Variants in ART1 observed in about 807,000 individuals in gnomAD.
ART1 encodes the protein ADP-ribosyltransferase 1, also known as GPI-linked NAD(P)(+)--arginine ADP-ribosyltransferase 1.
In ART1, 29 loss-of-function variants were observed where a neutral mutation model predicts 27.0. The ratio of observed to expected loss-of-function variants is 1.08; its 90% CI spans 0.80 to 1.47. The LOEUF (loss-of-function observed/expected upper bound fraction) is 1.47. ART1 is among the 40% of genes most tolerant of loss of function. ART1 has a pLI of 0.00. For missense variants in ART1, 480 were observed against 423.0 expected, an observed-to-expected ratio of 1.13 and a Z score of -1.18; for synonymous variants, 201 against 172.2, an observed-to-expected ratio of 1.17 and a Z score of -1.31.
chr11:3,654,768 GA>G (rs2077556082), intron 1 of ART1, among the ~76,000 whole-genome samples: 1 of 146,598 alleles, frequency 6.8e-6, no homozygotes, highest in Non-Finnish European at 1.5e-5. Context: ...TCTCCCATCA[GA>G]CATCAAGTCT....
intron 1 of ART1, among the ~76,000 whole-genome samples, chr11:3,652,637 C>A (rs1200423310): frequency 6.6e-6 from 1 of 152,058 alleles, no homozygotes; most frequent in Admixed American, 6.6e-5. Context: ...AGACACCAGA[C>A]CAACTTAGAC....
chr11:3,661,167 C>A (rs991191195), intron 3 of ART1, among the ~76,000 whole-genome samples: 5 of 152,224 alleles, frequency 3.3e-5, no homozygotes, highest in Admixed American at 6.5e-5. Context: ...GACCCTGGCT[C>A]TGATGGCCCA....
chr11:3,651,088 C>G (rs2077518377), intron 1 of ART1, among the ~76,000 whole-genome samples: 1 of 152,008 alleles, frequency 6.6e-6, no homozygotes, highest in South Asian at 2.1e-4. Context: ...CGCGCCTTAT[C>G]AACCAAATTG....
intron 3 of ART1, among the ~76,000 whole-genome samples, chr11:3,660,618 G>A (rs1031308350): frequency 1.3e-5 from 2 of 152,226 alleles, no homozygotes; most frequent in Non-Finnish European, 1.5e-5. Context: ...CCTGGCCAAC[G>A]CAGCGGTCTC....
At position 3,656,508 on chromosome 11, in the gene ART1, G is replaced by A. The variant is rs569706590; in HGVS notation, c.-52-2654G>A. Among the ~76,000 whole-genome samples, 10 of 151,972 alleles carry A rather than the reference G, an allele frequency of 6.6e-5. No individual in the cohort carries two copies. In the South Asian group the frequency reaches 1.9e-3, roughly 28 times the overall value. ...AGCTATTCTCCTGCCTCAGCCTCCC[G>A]AGTAGCTGGGATTATAGGCACCTGC... is the stretch of plus-strand genomic sequence containing the variant. On this transcript the variant is annotated intron_variant, in intron 1 of 4. Coordinates refer to ENST00000250693, the MANE Select transcript of ART1 (RefSeq NM_004314.3).
At chr11:3,663,809 A>C (rs1262859445) in intron 4 of ART1, 2 of 324,752 alleles carry the variant, frequency 6.2e-6, no homozygotes, top group African/African-American at 4.3e-5. Flanking sequence ...AGGTTGCCTA[A>C]AATTTTTTAA....
intron 1 of ART1, among the ~76,000 whole-genome samples, 181 bp from the exon 2 acceptor site, chr11:3,658,981 A>T (rs957477663): frequency 5.5e-5 from 5 of 91,492 alleles, no homozygotes; most frequent in Admixed American, 1.8e-4. Context: ...TTCATCCTAC[A>T]AGACCTGTTC....
chr11:3,656,102 T>C (rs1036641249), intron 1 of ART1, among the ~76,000 whole-genome samples: 3 of 152,042 alleles, frequency 2.0e-5, no homozygotes, highest in East Asian at 1.9e-4. Flanking sequence ...CCAGCTAATT[T>C]TTTGTAATTT....
rs1374803877 is a variant in ART1 at position 3,658,732 on chromosome 11, G to A, written c.-52-430G>A. 2.6e-5 allele frequency among the ~76,000 whole-genome samples: 4 copies of A among 152,128 alleles called. No individual in the cohort carries two copies. The South Asian group carries it at 6.2e-4, about 24-fold the overall frequency. Reference sequence around the variant, plus strand: ...CTGTCCCAAAACCCACAACCCCTGCGAGGTGAAGCCCAGGTCTCTCACTGT... The same window carrying A: ...CTGTCCCAAAACCCACAACCCCTGCAAGGTGAAGCCCAGGTCTCTCACTGT... On this transcript the variant is annotated intron_variant, in intron 1 of 4. Transcript: ENST00000250693.
intron 4 of ART1, among the ~76,000 whole-genome samples, 175 bp downstream of exon 4, chr11:3,661,588 G>A (rs1049620978): frequency 3.4e-5 from 5 of 146,082 alleles, no homozygotes; most frequent in Middle Eastern, 4.1e-3. Context: ...TCCACTTCCC[G>A]GGTTCAAGCC....
At chr11:3,649,428 C>T (rs2077498902) in intron 1 of ART1, among the ~76,000 whole-genome samples, 1 of 152,202 alleles carries the variant, frequency 6.6e-6, no homozygotes, top group East Asian at 1.9e-4. Context: ...TTTTACACAT[C>T]AGTCCCTCCC....
intron 1 of ART1, among the ~76,000 whole-genome samples, chr11:3,648,733 C>T (rs951632667): frequency 1.6e-4 from 25 of 152,174 alleles, no homozygotes; most frequent in African/African-American, 2.7e-4. Flanking sequence ...CATGCAGGGA[C>T]GCCTGCCTTG....
At position 3,647,342 on chromosome 11, in the gene ART1, A is replaced by C. The variant is rs573325091; in HGVS notation, c.-53+2163A>C. On this transcript the variant is annotated intron_variant, in intron 1 of 4. Coordinates refer to ENST00000250693, the MANE Select transcript of ART1 (RefSeq NM_004314.3). ...TCTCAAAAAAAACAAAACAAAACAA[A>C]AAAAAAAACGAGGCTGGGTGCGGTG... Among the ~76,000 whole-genome samples, 3 of 151,010 alleles carry C rather than the reference A, an allele frequency of 2.0e-5. No homozygotes were observed. In the East Asian group the frequency reaches 5.8e-4, roughly 29 times the overall value.
Position 3,659,978 on chromosome 11 carries a change from A to C in ART1, c.459A>C (p.Thr153=). The change falls in exon 3 of 5, where the codon ACA becomes ACC. Residue 153 remains threonine (T), a synonymous_variant. Transcript: ENST00000250693. ...AHYLHHFSFK[T]LHFLLTEALQ... ...ACCTCCACCACTTCTCCTTCAAGAC[A>C]CTCCATTTCCTGCTGACTGAGGCCC... 6.2e-7 allele frequency: 1 copy of C among 1,613,580 alleles called. No individual in the cohort carries two copies.
intron 4 of ART1, among the ~76,000 whole-genome samples, chr11:3,662,934 C>G (rs2077630316): frequency 6.6e-6 from 1 of 152,188 alleles, no homozygotes; most frequent in Admixed American, 6.5e-5. Flanking sequence ...AAGTGGAGTC[C>G]AGAGAGCCTG....
rs193231611 is a variant in ART1, at chr11:3,650,453, G to A, written c.-53+5274G>A. Among the ~76,000 whole-genome samples the A allele has an allele frequency of 2.6e-5, 4 of 152,270 alleles. No individual in the cohort carries two copies. The East Asian group carries it at 5.8e-4, about 22-fold the overall frequency. ...CTCGGAAGCCCCCTAGACCATCAGG[G>A]ACTCCGAGCTTTGAGTAACTCTCAC... On this transcript the variant is annotated intron_variant, in intron 1 of 4. Transcript: ENST00000250693.
At chr11:3,658,461 G>T (rs2077591322) in intron 1 of ART1, among the ~76,000 whole-genome samples, 1 of 152,174 alleles carries the variant, frequency 6.6e-6, no homozygotes, top group Non-Finnish European at 1.5e-5. Context: ...CAAAGAGGGT[G>T]TGGAAGGCTT....
chr11:3,657,192 G>A lies in ART1; in HGVS notation c.-52-1970G>A, dbSNP rs539517660. On this transcript the variant is annotated intron_variant, in intron 1 of 4. Transcript: ENST00000250693. Reference sequence around the variant, plus strand: ...ATTTATGTAACATTTGTGTGAAGGCGCATATATTCATTTTCTGAAGGGAGG... The same window carrying A: ...ATTTATGTAACATTTGTGTGAAGGCACATATATTCATTTTCTGAAGGGAGG... Among the ~76,000 whole-genome samples, 99 of 152,264 alleles carry A rather than the reference G, an allele frequency of 6.5e-4. 1 individual carries two copies. Among genetic ancestry groups the A allele is most frequent in the African/African-American group, 2.1e-3 (87 of 41,560 alleles).
intron 1 of ART1, among the ~76,000 whole-genome samples, chr11:3,651,660 T>C (rs2077523000): frequency 6.6e-6 from 1 of 151,790 alleles, no homozygotes; most frequent in South Asian, 2.1e-4. Flanking sequence ...ACATTTCTCA[T>C]AACTTCTAAA....
Sources: allele counts gnomAD v4.1 joint callset (sites outside exome capture counted in the v4.1 genomes callset), GRCh38; gene constraint gnomAD v4.1.1; transcripts MANE v1.5; gene names NCBI Gene and HGNC (gene_info 2026-07-23, HGNC 2026-07-21).